VPS53: variants seen among roughly 807,000 people sequenced by gnomAD.
VPS53 encodes VPS53 subunit of GARP complex, also known as vacuolar protein sorting-associated protein 53 homolog.
A neutral mutation model predicts 107.0 loss-of-function variants in VPS53; 70 were observed. The observed-to-expected ratio is 0.65, with a 90% CI of 0.54 to 0.80. The LOEUF is 0.80. VPS53 is among the 30% of genes least tolerant of loss of function. The probability of loss-of-function intolerance (pLI) is 0.00; values close to 1 mark genes in which losing one functional copy is unlikely to be tolerated. For missense variants in VPS53, 917 were observed against 1,049.4 expected, an observed-to-expected ratio of 0.87 and a Z score of 1.74; for synonymous variants, 409 against 393.3, an observed-to-expected ratio of 1.04 and a Z score of -0.47.
At chr17:631,451 G>A (rs978984124) in intron 8 of VPS53, 99 bp downstream of exon 8, 82 of 1,280,654 alleles carry the variant, frequency 6.4e-5, no homozygotes, top group Non-Finnish European at 8.2e-5. Context: ...AGCTGCCAGC[G>A]AGCATGACTG....
intron 7 of VPS53, among the ~76,000 whole-genome samples, chr17:632,572 G>T (rs189698447): frequency 2.4e-4 from 37 of 151,678 alleles, no homozygotes; most frequent in African/African-American, 7.8e-4. Flanking sequence ...ATTATTAACC[G>T]TAGTCACCCT....
At chr17:544,935 G>T (rs1055452331) in intron 17 of VPS53, among the ~76,000 whole-genome samples, 2 of 152,134 alleles carry the variant, frequency 1.3e-5, no homozygotes, top group African/African-American at 4.8e-5. Context: ...AAGAAAATTA[G>T]CCAGGTGTGG....
At chr17:622,102 C>T (rs12949439) in intron 11 of VPS53, among the ~76,000 whole-genome samples, 52,775 of 151,726 alleles carry the variant, frequency 0.35, 10,993 homozygotes, top group Non-Finnish European at 0.47. Context: ...ATCCCAGCTA[C>T]CCAGGAGGCT....
At chr17:662,613 C>T (rs1001313237) in intron 4 of VPS53, among the ~76,000 whole-genome samples, 35 of 151,720 alleles carry the variant, frequency 2.3e-4, no homozygotes, top group African/African-American at 8.0e-4. Context: ...TGCTTGAACC[C>T]GGGAGGCAGA....
intron 10 of VPS53, among the ~76,000 whole-genome samples, chr17:626,837 G>A (rs1969731549): frequency 6.6e-6 from 1 of 152,170 alleles, no homozygotes; most frequent in Non-Finnish European, 1.5e-5. Context: ...AAATGATGAT[G>A]GGATATATAC....
intron 19 of VPS53, among the ~76,000 whole-genome samples, chr17:525,981 G>A (rs76115469): frequency 0.13 from 16,888 of 133,142 alleles, 1,146 homozygotes; most frequent in South Asian, 0.26. Context: ...TGGGCAACAC[G>A]GTGAGACATT....
chr17:582,807 A>C (rs985856463), intron 13 of VPS53, among the ~76,000 whole-genome samples: 2 of 147,082 alleles, frequency 1.4e-5, no homozygotes, highest in Non-Finnish European at 3.0e-5. Context: ...ATCTCCATGC[A>C]TTCTCAGAGG....
At chr17:586,751 C>A (rs932916156) in intron 12 of VPS53, among the ~76,000 whole-genome samples, 2 of 152,056 alleles carry the variant, frequency 1.3e-5, no homozygotes, top group African/African-American at 4.8e-5. Context: ...ACTTTGATAC[C>A]AACTAATATG....
At position 657,061 on chromosome 17, in the gene VPS53, G is replaced by A. The variant is rs372670902; in HGVS notation, c.373-1108C>T. Reference sequence around the variant, plus strand: ...TCACCATATATGGCTTGCCAGTGTCGAACGTGATGAAATCGGTCATCTTGC... The same window carrying A: ...TCACCATATATGGCTTGCCAGTGTCAAACGTGATGAAATCGGTCATCTTGC... On this transcript the variant is annotated intron_variant, in intron 5 of 21. Transcript: ENST00000437048. 72 of 915,098 alleles carry A rather than the reference G, an allele frequency of 7.9e-5. 1 individual carries two copies. The highest frequency in any genetic ancestry group is 1.1e-4 in the African/African-American group (7 of 61,322). 56.7% of individuals were successfully genotyped at this position (915,098 alleles called of 1,614,324 possible). A position where few individuals can be genotyped will look rare whatever the true frequency, so the allele number is the denominator to read the frequency against.
intron 19 of VPS53, among the ~76,000 whole-genome samples, chr17:530,143 CTT>C (rs35030075): frequency 1.0e-3 from 132 of 127,236 alleles, no homozygotes; most frequent in East Asian, 3.4e-3. Flanking sequence ...AATTTATATT[CTT>C]TTTTTTTTTT....
At chr17:562,873 CG>C in intron 13 of VPS53, 128 bp from the exon 14 acceptor site, 3 of 1,095,040 alleles carry the variant, frequency 2.7e-6, no homozygotes, top group Non-Finnish European at 3.8e-6. Context: ...AACTTAAAAT[CG>C]GATCGATTTT....
intron 4 of VPS53, among the ~76,000 whole-genome samples, chr17:665,203 G>A (rs77937721): frequency 0.06 from 9,159 of 152,216 alleles, 548 homozygotes; most frequent in East Asian, 0.31. Flanking sequence ...CCACTTTCTC[G>A]TGCATGCACA....
At chr17:585,641 C>CA (rs1351607137) in intron 13 of VPS53, among the ~76,000 whole-genome samples, 3 of 151,178 alleles carry the variant, frequency 2.0e-5, no homozygotes, top group Non-Finnish European at 4.4e-5. Flanking sequence ...GACTCTGTCT[C>CA]AAAAAAGGAG....
At chr17:697,560 G>T in intron 3 of VPS53, 76 bp from the exon 4 acceptor site, 1 of 1,262,548 alleles carries the variant, frequency 7.9e-7, no homozygotes, top group Non-Finnish European at 1.2e-6. Flanking sequence ...AAAGTAAAAA[G>T]TAATTTATTC....
chr17:625,574 G>A (rs764255913), intron 10 of VPS53, among the ~76,000 whole-genome samples: 18 of 151,986 alleles, frequency 1.2e-4, no homozygotes, highest in Non-Finnish European at 2.2e-4. Flanking sequence ...TGATGTGTCC[G>A]TGTAGTTTCA....
Position 510,451 on chromosome 17 carries a change from A to G in VPS53, c.*8677T>C, listed in dbSNP as rs1405691530. On this transcript the variant is annotated 3_prime_UTR_variant, in exon 22 of 22. Transcript: ENST00000437048. ...TCCTGGCCGACCCCTTACTAGTCCC[A>G]TATGAAATCCTGGCTGACCCCTTAC... 1 of 145,608 alleles carries G rather than the reference A, an allele frequency of 6.9e-6. No homozygotes were observed. Among genetic ancestry groups the G allele is most frequent in the African/African-American group, 2.6e-5 (1 of 39,026 alleles). The allele number at this position is 145,608 out of a possible 1,614,324, so 9.0% of individuals were successfully genotyped here.
At chr17:659,484 T>G (rs1423441922) in intron 5 of VPS53, among the ~76,000 whole-genome samples, 1 of 152,192 alleles carries the variant, frequency 6.6e-6, no homozygotes, top group East Asian at 1.9e-4. Context: ...TTTTGCCATG[T>G]TGGCCAGGCT....
chr17:549,641 T>C (rs1911632730), intron 17 of VPS53, among the ~76,000 whole-genome samples: 1 of 152,116 alleles, frequency 6.6e-6, no homozygotes, highest in Admixed American at 6.5e-5. Context: ...GGCAGCTGCA[T>C]TCCGATCTGA....
rs181657383 is a variant in VPS53 at position 549,288 on chromosome 17, T to C, written c.1866+2584A>G. Among the ~76,000 whole-genome samples the C allele has an allele frequency of 2.5e-4, 38 of 152,356 alleles. No homozygotes were observed. In the East Asian group the frequency reaches 6.7e-3, roughly 27 times the overall value. On this transcript the variant is annotated intron_variant, in intron 17 of 21. Transcript: ENST00000437048. The stretch of plus-strand genomic sequence containing the variant: ...AACACAGAATGTGTGTTGAATCAAT[T>C]TGTGACCACTTGGCTTGTTTATTTC...
Sources: gnomAD v4.1 joint callset for allele counts (sites outside exome capture counted in the v4.1 genomes callset) on GRCh38, gnomAD v4.1.1 for gene constraint, MANE v1.5 for transcripts, NCBI Gene and HGNC (gene_info 2026-07-23, HGNC 2026-07-21) for gene names.